The following PTPRH variants were observed in gnomAD, a reference collection of about 807,000 sequenced individuals.
PTPRH encodes the protein receptor-type tyrosine-protein phosphatase H.
Under a neutral mutation model 130.2 loss-of-function variants are expected in PTPRH, and 113 were observed. The ratio of observed to expected loss-of-function variants is 0.87; its 90% CI spans 0.75 to 1.01. The LOEUF (loss-of-function observed/expected upper bound fraction) is 1.01, where lower values mean the gene tolerates loss of function less well. Among genes scored for constraint, PTPRH ranks in the 50% least tolerant of loss-of-function variants. PTPRH has a pLI of 0.00. For missense variants in PTPRH, 1,430 were observed against 1,425.0 expected, an observed-to-expected ratio of 1.00 and a Z score of -0.06; for synonymous variants, 556 against 577.9, an observed-to-expected ratio of 0.96 and a Z score of 0.54.
rs1435428418 is a variant in PTPRH at position 55,191,739 on chromosome 19, C to A, written c.2260G>T (p.Val754Phe). The change falls in exon 11 of 20, where the codon GTC becomes TTC. Residue 754 changes from valine (V) to phenylalanine (F), a missense_variant and splice_region_variant. Coordinates refer to ENST00000376350, the MANE Select transcript of PTPRH (RefSeq NM_002842.5). ...SVVCHTESAG[V>F]IAGAFVGILL... The stretch of plus-strand genomic sequence containing the variant: ...ATGCCCACAAAGGCTCCGGCAATGA[C>A]CCCTGTGGGGAGGAGGCATCGGGAA... 2 of 1,613,506 alleles carry A rather than the reference C, an allele frequency of 1.2e-6. No homozygotes were observed. Among genetic ancestry groups the A allele is most frequent in the Non-Finnish European group, 8.5e-7 (1 of 1,179,652 alleles).
At chr19:55,188,799 G>A (rs1048308651) in intron 12 of PTPRH, among the ~76,000 whole-genome samples, 8 of 152,056 alleles carry the variant, frequency 5.3e-5, no homozygotes, top group East Asian at 1.9e-4. Flanking sequence ...GCACTGTTCC[G>A]GAACACCCAG....
At chr19:55,191,795 T>G in intron 10 of PTPRH, 54 bp from the exon 11 acceptor site, 1 of 1,467,770 alleles carries the variant, frequency 6.8e-7, no homozygotes, top group Non-Finnish European at 9.5e-7. Flanking sequence ...GCTGCTCATC[T>G]GTCTCCAACC....
chr19:55,186,327 G>C lies in PTPRH; in HGVS notation c.2676C>G (p.Thr892=). The C allele has an allele frequency of 1.2e-6, 2 of 1,614,084 alleles. No individual in the cohort carries two copies. Among genetic ancestry groups the C allele is most frequent in the Non-Finnish European group, 1.7e-6 (2 of 1,179,962 alleles). The stretch of plus-strand genomic sequence containing the variant: ...CCACTGTCTGTGGCAGGGGACCCTG[G>C]GTTGCAATGAACTCCTGGGGGCTCC... ...GLWSPQEFIA[T]QGPLPQTVGD... The change falls in exon 16 of 20, where the codon ACC becomes ACG. Residue 892 remains threonine (T), a synonymous_variant. Transcript: ENST00000376350.
intron 1 of PTPRH, 84 bp from the exon 2 acceptor site, chr19:55,207,283 G>T (rs2087100705): frequency 1.4e-6 from 2 of 1,473,934 alleles, no homozygotes; most frequent in Middle Eastern, 1.8e-4. Flanking sequence ...GGAGCGGCTG[G>T]TCCCCGCCCC....
Position 55,187,087 on chromosome 19 carries a change from C to T in PTPRH, c.2566+426G>A, listed in dbSNP as rs557780583. 4.5e-4 allele frequency among the ~76,000 whole-genome samples: 66 copies of T among 147,628 alleles called. 1 individual carries two copies. The highest frequency in any genetic ancestry group is 4.3e-3 in the South Asian group (20 of 4,676). On this transcript the variant is annotated intron_variant, in intron 14 of 19. Transcript: ENST00000376350. ...GGGGCCGGGCGCAGTGGCTCACGCC[C>T]GTAATCCCAGCACTTTGGGAGGCCG... is the stretch of plus-strand genomic sequence containing the variant.
chr19:55,207,539 T>C (rs893384768), intron 1 of PTPRH, among the ~76,000 whole-genome samples: 1 of 151,904 alleles, frequency 6.6e-6, no homozygotes, highest in Non-Finnish European at 1.5e-5. Flanking sequence ...AAAACCAAGG[T>C]TGGGGATCAG....
At chr19:55,182,438 G>A (rs1046837254) in intron 18 of PTPRH, among the ~76,000 whole-genome samples, 4 of 152,094 alleles carry the variant, frequency 2.6e-5, no homozygotes, top group Admixed American at 6.5e-5. Context: ...GCGAAGAATC[G>A]CTTGAACCCA....
At chr19:55,198,937 T>C in intron 7 of PTPRH, 25 bp from the exon 8 acceptor site, 2 of 1,495,098 alleles carry the variant, frequency 1.3e-6, no homozygotes, top group South Asian at 2.8e-5. Flanking sequence ...AGAGTCAGGA[T>C]TTCCACATCC....
intron 10 of PTPRH, chr19:55,192,133 T>C (rs1265166473): frequency 2.7e-6 from 1 of 369,788 alleles, no homozygotes; most frequent in Non-Finnish European, 5.4e-6. Flanking sequence ...CCGGGCGCGG[T>C]GGCTTACGCC....
Position 55,181,869 on chromosome 19 carries a change from C to T in PTPRH, c.3233G>A (p.Arg1078Gln), listed in dbSNP as rs1599954823. The T allele has an allele frequency of 9.9e-6, 16 of 1,614,170 alleles. No homozygotes were observed. Among genetic ancestry groups the T allele is most frequent in the East Asian group, 2.2e-5 (1 of 44,892 alleles). The change falls in exon 20 of 20, where the codon CGG becomes CAG. Residue 1078 changes from arginine to glutamine, a missense_variant. By Grantham distance (43) the Arg-to-Gln change is conservative. Coordinates refer to ENST00000376350, the MANE Select transcript of PTPRH (RefSeq NM_002842.5). ...GGCCTGGGCTGACTGTTGGAGGAAC[C>T]GCAGGATGCACTGATGCAGGAATAC... ...QYVFLHQCIL[R>Q]FLQQSAQAPA...
Position 55,205,328 on chromosome 19 carries a change from G to T in PTPRH, c.617C>A (p.Thr206Lys), listed in dbSNP as rs867761041. 25 of 1,614,200 alleles carry T rather than the reference G, an allele frequency of 1.5e-5. No homozygotes were observed. The highest frequency in any genetic ancestry group is 2.2e-5 in the South Asian group (2 of 91,086). Reference protein sequence around the residue: ...NSSRETRNATTAHNPVRNLRV... With the variant: ...NSSRETRNATKAHNPVRNLRV... ...AACAAATGGCGACTGCCTCTCACCTGTGGTGGCATTTCGAGTCTCCCGGGA... is the reference window on the plus strand; with the variant it reads ...AACAAATGGCGACTGCCTCTCACCTTTGGTGGCATTTCGAGTCTCCCGGGA... The change falls in exon 4 of 20, where the codon ACA becomes AAA. Residue 206 changes from threonine to lysine, a missense_variant and splice_region_variant. Transcript: ENST00000376350.
chr19:55,197,473 C>A (rs1389287109), intron 8 of PTPRH, 57 bp from the exon 9 acceptor site: 2 of 1,489,208 alleles, frequency 1.3e-6, no homozygotes, highest in Non-Finnish European at 1.8e-6. Context: ...CCTACCCCAG[C>A]CTGTCTGCCT....
intron 10 of PTPRH, chr19:55,194,106 T>A: frequency 8.0e-7 from 1 of 1,253,240 alleles, no homozygotes; most frequent in Non-Finnish European, 1.0e-6. Flanking sequence ...CGCCTCGGCC[T>A]CCCAAAGTGC....
In PTPRH at chr19:55,182,161, A is replaced by G; in HGVS notation, c.3063-10T>C. The stretch of plus-strand genomic sequence containing the variant: ...GCGACCCACGCCAGCACTAGGCAGA[A>G]CAAGGGAAGGGTCAGACCAAGGGGC... On this transcript the variant is annotated splice_polypyrimidine_tract_variant and intron_variant, in intron 18 of 19. Coordinates refer to ENST00000376350, the MANE Select transcript of PTPRH (RefSeq NM_002842.5). The G allele has an allele frequency of 6.2e-7, 1 of 1,612,992 alleles. No homozygotes were observed. Among genetic ancestry groups the G allele is most frequent in the Non-Finnish European group, 8.5e-7 (1 of 1,179,884 alleles).
intron 10 of PTPRH, chr19:55,193,976 G>A (rs2086615199): frequency 8.4e-6 from 3 of 359,174 alleles, no homozygotes; most frequent in Non-Finnish European, 1.6e-5. Flanking sequence ...AGCCTCCTGA[G>A]TAGTTGGGAT....
Position 55,197,377 on chromosome 19 carries a change from G to C in PTPRH, c.1730C>G (p.Thr577Ser). ...EVTDLQNETQTKNSVMLWWKA... is the reference protein window; with the variant it reads ...EVTDLQNETQSKNSVMLWWKA... ...CCACCACAGCATGACTGAGTTCTTA[G>C]TCTGAGTTTCATTCTGGAGATCTGT... The change falls in exon 9 of 20, where the codon ACT becomes AGT. Residue 577 changes from threonine to serine, a missense_variant. Coordinates refer to ENST00000376350, the MANE Select transcript of PTPRH (RefSeq NM_002842.5). 6.2e-7 allele frequency: 1 copy of C among 1,613,832 alleles called. No individual in the cohort carries two copies. The highest frequency in any genetic ancestry group is 8.5e-7 in the Non-Finnish European group (1 of 1,179,690).
chr19:55,205,429 G>A lies in PTPRH; in HGVS notation c.516C>T (p.Asn172=), dbSNP rs902677635. 6.2e-7 allele frequency: 1 copy of A among 1,614,094 alleles called. No homozygotes were observed. The highest frequency in any genetic ancestry group is 1.3e-5 in the African/African-American group (1 of 74,936). ...CGGGTTCAAGTCCATCCACGGTGAT[G>A]TTAGTGTGTGCTGTGCTTCGAGTCC... ...RAGTRSTAHT[N]ITVDGLEPGC... Residue 172 remains asparagine (N), a synonymous_variant, in exon 4 of 20, where the codon AAC becomes AAT. Transcript: ENST00000376350.
At chr19:55,194,814 C>T (rs896552332) in intron 10 of PTPRH, among the ~76,000 whole-genome samples, 6 of 152,170 alleles carry the variant, frequency 3.9e-5, no homozygotes, top group Non-Finnish European at 8.8e-5. Context: ...TATCCACAAA[C>T]GTTCCTAGCG....
chr19:55,203,346 T>A (rs2086933724), intron 5 of PTPRH, among the ~76,000 whole-genome samples: 2 of 129,032 alleles, frequency 1.6e-5, no homozygotes, highest in Non-Finnish European at 3.3e-5. Flanking sequence ...AAAAAAAAAA[T>A]TGTATCTGAT....
Sources: gnomAD v4.1 joint callset for allele counts (sites outside exome capture counted in the v4.1 genomes callset) on GRCh38, gnomAD v4.1.1 for gene constraint, MANE v1.5 for transcripts, NCBI Gene and HGNC (gene_info 2026-07-23, HGNC 2026-07-21) for gene names.